SQLE: variants seen among roughly 807,000 people sequenced by gnomAD.
SQLE encodes squalene epoxidase, also known as squalene monooxygenase.
Under a neutral mutation model 60.7 loss-of-function variants are expected in SQLE, and 29 were observed. That is an observed-to-expected ratio of 0.48 (90% CI 0.36 to 0.65). The LOEUF is 0.65. SQLE is among the 30% of genes least tolerant of loss of function. The pLI, the probability that SQLE is intolerant of heterozygous loss-of-function variation, is 0.00. For missense variants in SQLE, 605 were observed against 684.1 expected, an observed-to-expected ratio of 0.88 and a Z score of 1.29; for synonymous variants, 237 against 246.8, an observed-to-expected ratio of 0.96 and a Z score of 0.37.
intron 6 of SQLE, among the ~76,000 whole-genome samples, chr8:125,010,471 C>T (rs1815021269): frequency 6.6e-6 from 1 of 151,602 alleles, no homozygotes; most frequent in Admixed American, 6.6e-5. Flanking sequence ...TAATAGGAAA[C>T]TATTTTTGGT....
Position 124,998,653 on chromosome 8 carries a change from T to C in SQLE, c.-751T>C, listed in dbSNP as rs1475779794. The C allele has an allele frequency of 4.5e-6, 3 of 669,302 alleles. No homozygotes were observed. The highest frequency in any genetic ancestry group is 8.1e-6 in the Non-Finnish European group (3 of 368,732). The allele number at this position is 669,302 out of a possible 1,614,324, so 41.5% of individuals were successfully genotyped here. ...CCGCCGCCATCTGAGGGAGGTACCC[T>C]GGAAACCACCTTTTATCGGTGGGGA... On this transcript the variant is annotated 5_prime_UTR_variant, in exon 1 of 11. Transcript: ENST00000265896.
Position 125,007,378 on chromosome 8 carries a change from T to C in SQLE, c.726-13T>C. ...TGTGCTGCTTTAGAAATGTATTTTT[T>C]TTTATTCTTTAGTGCAAAGTTTATT... On this transcript the variant is annotated splice_polypyrimidine_tract_variant and intron_variant, in intron 3 of 10. Transcript: ENST00000265896. 6.6e-7 allele frequency: 1 copy of C among 1,515,634 alleles called. No homozygotes were observed. The allele number at this position is 1,515,634 out of a possible 1,614,324, so 93.9% of individuals were successfully genotyped here.
chr8:125,007,359 G>C, intron 3 of SQLE, 32 bp from the exon 4 acceptor site: 1 of 1,460,536 alleles, frequency 6.8e-7, no homozygotes, highest in Non-Finnish European at 9.3e-7. Flanking sequence ...GAAATGTGCT[G>C]CTTTAGAAAT....
Position 124,999,111 on chromosome 8 carries a change from A to G in SQLE, c.-293A>G, listed in dbSNP as rs1047038832. The G allele has an allele frequency of 5.9e-6, 2 of 337,772 alleles. No individual in the cohort carries two copies. The highest frequency in any genetic ancestry group is 1.1e-5 in the Non-Finnish European group (2 of 188,766). 20.9% of individuals were successfully genotyped at this position (337,772 alleles called of 1,614,324 possible). A position where few individuals can be genotyped will look rare whatever the true frequency, so the allele number is the denominator to read the frequency against. Reference sequence around the variant, plus strand: ...CACCATCAAAAAAGAAAAAAAGGGAATATCTGGATTTCCTGGGCGAGGAGG... The same window carrying G: ...CACCATCAAAAAAGAAAAAAAGGGAGTATCTGGATTTCCTGGGCGAGGAGG... On this transcript the variant is annotated 5_prime_UTR_variant, in exon 1 of 11. Transcript: ENST00000265896.
At chr8:124,999,804 T>A in intron 1 of SQLE, 110 bp downstream of exon 1, 1 of 1,281,024 alleles carries the variant, frequency 7.8e-7, no homozygotes, top group Non-Finnish European at 1.1e-6. Context: ...TAGATGCTTG[T>A]ATACATTCTC....
chr8:125,007,298 G>A (rs1344138680), intron 3 of SQLE, 93 bp from the exon 4 acceptor site: 4 of 928,106 alleles, frequency 4.3e-6, no homozygotes, highest in East Asian at 5.4e-5. Context: ...TGCATGTCCA[G>A]TTTATATGGA....
intron 3 of SQLE, 126 bp from the exon 4 acceptor site, chr8:125,007,265 T>C (rs541933030): frequency 9.9e-6 from 5 of 506,388 alleles, no homozygotes; most frequent in Non-Finnish European, 1.3e-5. Context: ...AAAACACACA[T>C]TGGACACGTG....
intron 7 of SQLE, among the ~76,000 whole-genome samples, chr8:125,015,558 T>C (rs1391329596): frequency 6.6e-6 from 1 of 152,240 alleles, no homozygotes; most frequent in Non-Finnish European, 1.5e-5. Flanking sequence ...GGCTTTTGAT[T>C]TGAAATTACC....
Position 124,998,603 on chromosome 8 carries a change from C to T in SQLE, c.-801C>T, listed in dbSNP as rs556581325. 1,546 of 686,332 alleles carry T rather than the reference C, an allele frequency of 2.3e-3. 9 individuals are homozygous for T. The African/African-American group carries it at 0.024, about 11-fold the overall frequency. 42.5% of individuals were successfully genotyped at this position (686,332 alleles called of 1,614,324 possible). On this transcript the variant is annotated 5_prime_UTR_variant, in exon 1 of 11. Coordinates refer to ENST00000265896, the MANE Select transcript of SQLE (RefSeq NM_003129.4). The stretch of plus-strand genomic sequence containing the variant: ...CGAGAGCCGCCGCCCGCGAGGGATG[C>T]TGGTGAGGAAGCCGTCGGGAGCCGC...
rs1389003599 is a variant in SQLE, at chr8:125,011,590, A to G, written c.1162A>G (p.Met388Val). Reference protein sequence around the residue: ...EATDNSHLRSMPASFLPPSSV... With the variant: ...EATDNSHLRSVPASFLPPSSV... The stretch of plus-strand genomic sequence containing the variant: ...CACTGACAATTCTCATCTGAGGTCC[A>G]TGCCAGCAAGCTTCCTTCCTCCTTC... Residue 388 changes from methionine (M) to valine (V), a missense_variant, in exon 7 of 11, where the codon ATG (methionine) becomes GTG (valine). Coordinates refer to ENST00000265896, the MANE Select transcript of SQLE (RefSeq NM_003129.4). The G allele has an allele frequency of 1.3e-6, 2 of 1,587,048 alleles. No individual in the cohort carries two copies. Among genetic ancestry groups the G allele is most frequent in the East Asian group, 2.3e-5 (1 of 44,178 alleles).
intron 7 of SQLE, among the ~76,000 whole-genome samples, 151 bp downstream of exon 7, chr8:125,011,783 T>C (rs979254126): frequency 1.3e-5 from 2 of 151,420 alleles, no homozygotes; most frequent in African/African-American, 4.9e-5. Context: ...TTTTATGATC[T>C]ATTTAGTTGT....
chr8:125,000,349 T>C (rs1814824486), intron 1 of SQLE, among the ~76,000 whole-genome samples: 2 of 152,238 alleles, frequency 1.3e-5, no homozygotes, highest in South Asian at 4.1e-4. Context: ...TTAGGGCATG[T>C]TGGCAATGAG....
chr8:125,019,992 G>A (rs1417217846), intron 9 of SQLE, among the ~76,000 whole-genome samples: 1 of 152,026 alleles, frequency 6.6e-6, no homozygotes, highest in Non-Finnish European at 1.5e-5. Context: ...AGAGTTTTGG[G>A]CAAATAAAAA....
At chr8:125,020,355 AATT>A (rs926716473) in intron 9 of SQLE, among the ~76,000 whole-genome samples, 11 of 152,142 alleles carry the variant, frequency 7.2e-5, no homozygotes, top group African/African-American at 1.4e-4. Context: ...AGATATAAGG[AATT>A]ATTATTTATC....
At chr8:125,017,913 C>A in intron 7 of SQLE, 146 bp from the exon 8 acceptor site, 1 of 1,038,874 alleles carries the variant, frequency 9.6e-7, no homozygotes, top group Non-Finnish European at 1.4e-6. Flanking sequence ...TTTGCCTCAG[C>A]AAATTTTAAT....
At chr8:125,020,343 A>G (rs1815183250) in intron 9 of SQLE, among the ~76,000 whole-genome samples, 2 of 152,196 alleles carry the variant, frequency 1.3e-5, no homozygotes, top group African/African-American at 2.4e-5. Context: ...TAAAAACTTT[A>G]TAGATATAAG....
At chr8:125,013,520 T>G (rs1266993018) in intron 7 of SQLE, among the ~76,000 whole-genome samples, 2 of 151,922 alleles carry the variant, frequency 1.3e-5, no homozygotes, top group Non-Finnish European at 2.9e-5. Flanking sequence ...GCCCAGCTAA[T>G]TTTTGTATTT....
At chr8:125,009,393 C>T in intron 6 of SQLE, 50 bp downstream of exon 6, 1 of 1,511,750 alleles carries the variant, frequency 6.6e-7, no homozygotes, top group Non-Finnish European at 9.0e-7. Context: ...TAAAATAGGC[C>T]AGAGATAAGG....
chr8:125,006,294 A>T (rs1814943514), intron 3 of SQLE, among the ~76,000 whole-genome samples: 1 of 152,206 alleles, frequency 6.6e-6, no homozygotes, highest in Admixed American at 6.5e-5. Context: ...AAGACTTGAT[A>T]TCCATGGAAG....
Sources: gnomAD v4.1 joint callset for allele counts (sites outside exome capture counted in the v4.1 genomes callset) on GRCh38, gnomAD v4.1.1 for gene constraint, MANE v1.5 for transcripts, NCBI Gene and HGNC (gene_info 2026-07-23, HGNC 2026-07-21) for gene names.